The following DCC variants were observed in gnomAD, a reference collection of about 807,000 sequenced individuals.
DCC encodes the protein DCC netrin 1 receptor.
In DCC, 58 loss-of-function variants were observed where a neutral mutation model predicts 172.5. The ratio of observed to expected loss-of-function variants is 0.34; its 90% CI spans 0.27 to 0.42. The LOEUF (loss-of-function observed/expected upper bound fraction) is 0.42, where lower values mean the gene tolerates loss of function less well. DCC is among the 10% of genes least tolerant of loss of function. The pLI is 1.00. For missense variants in DCC, 1,740 were observed against 1,791.0 expected (o/e 0.97, Z 0.51); for synonymous variants, 709 against 644.5 (o/e 1.10, Z -1.52).
At chr18:52,388,555 T>C (rs1399730716) in intron 1 of DCC, among the ~76,000 whole-genome samples, 3 of 152,066 alleles carry the variant, frequency 2.0e-5, no homozygotes, top group African/African-American at 4.8e-5. Context: ...CATGGCTATT[T>C]CCAGTACTTT....
chr18:52,439,043 T>G (rs1210359154), intron 1 of DCC, among the ~76,000 whole-genome samples: 1 of 152,176 alleles, frequency 6.6e-6, no homozygotes, highest in Non-Finnish European at 1.5e-5. Context: ...TCCTGTTTTT[T>G]CTACCAAGTG....
Position 53,530,720 on chromosome 18 carries a change from A to C in DCC, c.*67A>C. On this transcript the variant is annotated 3_prime_UTR_variant, in exon 29 of 29. Coordinates refer to ENST00000442544, the MANE Select transcript of DCC (RefSeq NM_005215.4). The stretch of plus-strand genomic sequence containing the variant: ...TGCAGCATACCAATTACCCATAAAC[A>C]GCACACCTGTGTCCAAGAACTCTAA... 1 of 853,648 alleles carries C rather than the reference A, an allele frequency of 1.2e-6. No homozygotes were observed. 52.9% of individuals were successfully genotyped at this position (853,648 alleles called of 1,614,324 possible).
intron 5 of DCC, among the ~76,000 whole-genome samples, chr18:52,989,384 A>G (rs2041346000): frequency 1.3e-5 from 2 of 152,048 alleles, no homozygotes; most frequent in South Asian, 2.1e-4. Context: ...TTAGCCGGGC[A>G]TGGTAGCAGG....
intron 5 of DCC, among the ~76,000 whole-genome samples, chr18:53,012,257 T>C (rs1338336871): frequency 6.6e-6 from 1 of 151,990 alleles, no homozygotes; most frequent in African/African-American, 2.4e-5. Flanking sequence ...GGAGCTTTAT[T>C]CATAGTAGCA....
intron 12 of DCC, among the ~76,000 whole-genome samples, chr18:53,256,818 A>G (rs887706199): frequency 6.6e-6 from 1 of 152,166 alleles, no homozygotes; most frequent in Non-Finnish European, 1.5e-5. Context: ...GGCCATTTTT[A>G]CAATATTGAT....
chr18:52,733,156 A>G (rs2036672558), intron 1 of DCC, among the ~76,000 whole-genome samples: 1 of 152,114 alleles, frequency 6.6e-6, no homozygotes, highest in South Asian at 2.1e-4. Context: ...GTTGTGAGTT[A>G]GTTACTGAAT....
intron 1 of DCC, among the ~76,000 whole-genome samples, chr18:52,509,558 C>T (rs961077137): frequency 1.3e-5 from 2 of 152,154 alleles, no homozygotes; most frequent in Non-Finnish European, 2.9e-5. Flanking sequence ...TGTCAGCCCA[C>T]AGCTCATTGC....
At chr18:52,492,836 T>C (rs888908614) in intron 1 of DCC, among the ~76,000 whole-genome samples, 8 of 152,034 alleles carry the variant, frequency 5.3e-5, no homozygotes, top group African/African-American at 1.9e-4. Context: ...TGGATTTCTG[T>C]AAAAGAAGAG....
chr18:53,428,108 TATA>T lies in DCC; in HGVS notation c.3164-7029_3164-7027del, dbSNP rs1439552817. Reference sequence around the variant, plus strand: ...TAATAATATATAATATATAATATAATATAATAATATATAATATATAATATAATA... The same window carrying T: ...TAATAATATATAATATATAATATAATATAATATATAATATATAATATAATA... On this transcript the variant is annotated intron_variant, in intron 21 of 28. Coordinates refer to ENST00000442544, the MANE Select transcript of DCC (RefSeq NM_005215.4). 3.0e-4 allele frequency among the ~76,000 whole-genome samples: 6 copies of T among 19,702 alleles called. 1 individual carries two copies. Among genetic ancestry groups the T allele is most frequent in the Non-Finnish European group, 5.1e-4 (6 of 11,670 alleles). 12.9% of individuals were successfully genotyped at this position (19,702 alleles called of 152,430 possible). A position where few individuals can be genotyped will look rare whatever the true frequency, so the allele number is the denominator to read the frequency against.
At chr18:53,044,866 C>T (rs2042215317) in intron 5 of DCC, among the ~76,000 whole-genome samples, 1 of 151,668 alleles carries the variant, frequency 6.6e-6, no homozygotes, top group African/African-American at 2.4e-5. Context: ...TCAACGAGTG[C>T]AAAAACATTC....
At chr18:52,770,338 T>A (rs2145164611) in intron 2 of DCC, among the ~76,000 whole-genome samples, 1 of 152,362 alleles carries the variant, frequency 6.6e-6, no homozygotes, top group South Asian at 2.1e-4. Context: ...CTCATTGCTC[T>A]GTTCATTCTT....
chr18:53,000,940 GT>G (rs199612544), intron 5 of DCC, among the ~76,000 whole-genome samples: 3 of 151,812 alleles, frequency 2.0e-5, no homozygotes, highest in African/African-American at 7.3e-5. Context: ...CATTCTGAGG[GT>G]TTTTTTCCCA....
intron 5 of DCC, among the ~76,000 whole-genome samples, chr18:53,060,378 T>C (rs779270764): frequency 2.0e-5 from 3 of 152,102 alleles, no homozygotes; most frequent in Non-Finnish European, 2.9e-5. Flanking sequence ...CAACTCCCCA[T>C]TTAAGTGAGA....
chr18:52,636,160 C>G (rs2034776370), intron 1 of DCC, among the ~76,000 whole-genome samples: 1 of 152,136 alleles, frequency 6.6e-6, no homozygotes, highest in African/African-American at 2.4e-5. Flanking sequence ...AAGGGAAATA[C>G]AGAGGTAGAG....
chr18:53,190,818 C>T (rs925954583), intron 9 of DCC, among the ~76,000 whole-genome samples: 3 of 152,142 alleles, frequency 2.0e-5, no homozygotes, highest in South Asian at 4.2e-4. Flanking sequence ...TGGTGGCGGG[C>T]GCCTGTAGTC....
At chr18:52,642,422 G>T (rs1430250668) in intron 1 of DCC, among the ~76,000 whole-genome samples, 2 of 151,934 alleles carry the variant, frequency 1.3e-5, no homozygotes, top group Non-Finnish European at 2.9e-5. Flanking sequence ...CACCAGTAAA[G>T]AACTTACTCA....
chr18:52,380,033 C>A (rs956965814), intron 1 of DCC, among the ~76,000 whole-genome samples: 1 of 152,022 alleles, frequency 6.6e-6, no homozygotes, highest in Non-Finnish European at 1.5e-5. Flanking sequence ...CAAGAGGGTA[C>A]CTTTTGCCAC....
intron 5 of DCC, among the ~76,000 whole-genome samples, chr18:53,049,215 T>G (rs2042300972): frequency 6.6e-6 from 1 of 152,144 alleles, no homozygotes; most frequent in South Asian, 2.1e-4. Flanking sequence ...TTTTTGTTTC[T>G]ATTGCAATTG....
intron 3 of DCC, 86 bp downstream of exon 3, chr18:52,906,414 ATTGTTAT>A: frequency 2.9e-6 from 4 of 1,373,360 alleles, no homozygotes; most frequent in Non-Finnish European, 4.1e-6. Context: ...GATATTTGTA[ATTGTTAT>A]AAGTTCTGTA....
Sources: allele counts gnomAD v4.1 joint callset (sites outside exome capture counted in the v4.1 genomes callset), GRCh38; gene constraint gnomAD v4.1.1; transcripts MANE v1.5; gene names NCBI Gene and HGNC (gene_info 2026-07-23, HGNC 2026-07-21).